XYLT1: variants seen among roughly 807,000 people sequenced by gnomAD.
The protein encoded by XYLT1 is xylosyltransferase 1, also known as beta-D-xylosyltransferase 1.
In XYLT1, 36 loss-of-function variants were observed where a neutral mutation model predicts 91.3. The observed-to-expected ratio is 0.39, with a 90% CI of 0.30 to 0.52. The LOEUF (loss-of-function observed/expected upper bound fraction) is 0.52. Ranked by LOEUF, XYLT1 falls within the 20% of genes least tolerant of loss-of-function variation. XYLT1 has a pLI of 0.68. For synonymous variants in XYLT1, 588 were observed against 532.0 expected (o/e 1.11, Z -1.45); for missense variants, 1,242 against 1,284.5 (o/e 0.97, Z 0.51).
intron 9 of XYLT1, among the ~76,000 whole-genome samples, chr16:17,133,521 G>A (rs1023517499): frequency 6.6e-6 from 1 of 151,886 alleles, no homozygotes; most frequent in Non-Finnish European, 1.5e-5. Context: ...CTGCTCAATG[G>A]AATACTAGAG....
At chr16:17,371,364 T>C (rs1596508590) in intron 1 of XYLT1, among the ~76,000 whole-genome samples, 1 of 152,220 alleles carries the variant, frequency 6.6e-6, no homozygotes, top group Admixed American at 6.5e-5. Context: ...ACCCAATTCA[T>C]GTTATAGGTG....
At chr16:17,118,273 T>C (rs201978533) in intron 10 of XYLT1, among the ~76,000 whole-genome samples, 5 of 96,886 alleles carry the variant, frequency 5.2e-5, no homozygotes, top group Admixed American at 4.5e-4. Context: ...GCTGAATGAG[T>C]GAATGAATGA....
At chr16:17,224,314 G>A (rs2033025111) in intron 3 of XYLT1, among the ~76,000 whole-genome samples, 1 of 152,180 alleles carries the variant, frequency 6.6e-6, no homozygotes, top group South Asian at 2.1e-4. Context: ...TTTCTTACAT[G>A]AACAAATGAA....
At position 17,198,217 on chromosome 16, in the gene XYLT1, G is replaced by A; in HGVS notation, c.1284C>T (p.Pro428=). The A allele has an allele frequency of 6.2e-7, 1 of 1,613,964 alleles. No homozygotes were observed. Among genetic ancestry groups the A allele is most frequent in the Non-Finnish European group, 8.5e-7 (1 of 1,179,988 alleles). The change falls in exon 5 of 12, where the codon CCC becomes CCT. Residue 428 remains proline (P), a synonymous_variant. Coordinates refer to ENST00000261381, the MANE Select transcript of XYLT1 (RefSeq NM_022166.4). ...GGGGCCCTTGGCTGCCTTACCTGAT[G>A]GGGTAGTCGGCCGCACTCAGGTTGA... The part of the protein sequence containing the change: ...FFINLSAADY[P]IRTNDQLVAF...
intron 5 of XYLT1, among the ~76,000 whole-genome samples, chr16:17,191,951 G>A (rs1040329426): frequency 3.3e-5 from 5 of 152,120 alleles, no homozygotes; most frequent in Admixed American, 2.0e-4. Flanking sequence ...ATGTGCAAAC[G>A]TGTGTACACA....
chr16:17,129,740 T>C (rs2030400462), intron 9 of XYLT1, among the ~76,000 whole-genome samples: 2 of 152,148 alleles, frequency 1.3e-5, no homozygotes, highest in South Asian at 4.1e-4. Context: ...GAATTTTAAA[T>C]TGTATTTAGT....
At chr16:17,388,083 C>T (rs1161897911) in intron 1 of XYLT1, among the ~76,000 whole-genome samples, 2 of 152,136 alleles carry the variant, frequency 1.3e-5, no homozygotes, top group Non-Finnish European at 2.9e-5. Flanking sequence ...CACAGCTTAG[C>T]CAACCCTGCC....
intron 5 of XYLT1, among the ~76,000 whole-genome samples, chr16:17,194,827 G>T (rs1349563421): frequency 6.6e-6 from 1 of 152,218 alleles, no homozygotes; most frequent in Admixed American, 6.5e-5. Context: ...AAACAGGTTT[G>T]TTGTAAGGGT....
chr16:17,323,332 T>C (rs989387799), intron 2 of XYLT1, among the ~76,000 whole-genome samples: 8 of 152,320 alleles, frequency 5.3e-5, no homozygotes, highest in Admixed American at 5.2e-4. Context: ...CAACAGCTAA[T>C]TAAAGAACAA....
At chr16:17,215,215 G>C (rs568136165) in intron 3 of XYLT1, among the ~76,000 whole-genome samples, 243 of 152,266 alleles carry the variant, frequency 1.6e-3, no homozygotes, top group African/African-American at 5.7e-3. Context: ...AATTAGCCAG[G>C]CATGGTGGTA....
chr16:17,111,228 A>G (rs1184636939), intron 11 of XYLT1, among the ~76,000 whole-genome samples: 1 of 151,932 alleles, frequency 6.6e-6, no homozygotes, highest in African/African-American at 2.4e-5. Context: ...CGTAAGAGTG[A>G]CTACTACTAC....
intron 5 of XYLT1, among the ~76,000 whole-genome samples, chr16:17,165,688 G>A (rs1361802207): frequency 1.3e-5 from 2 of 152,150 alleles, no homozygotes; most frequent in Non-Finnish European, 2.9e-5. Context: ...GTGAAACTCT[G>A]CCTCAAAAAA....
At chr16:17,357,042 C>A (rs1351159709) in intron 2 of XYLT1, among the ~76,000 whole-genome samples, 1 of 151,498 alleles carries the variant, frequency 6.6e-6, no homozygotes, top group Non-Finnish European at 1.5e-5. Context: ...CCGGGCGTGG[C>A]AGCGTGCGCC....
chr16:17,113,566 C>T (rs1361159975), intron 11 of XYLT1, among the ~76,000 whole-genome samples: 2 of 152,162 alleles, frequency 1.3e-5, no homozygotes, highest in African/African-American at 4.8e-5. Context: ...CTCTGGCCTC[C>T]TCCTGTCCCC....
chr16:17,235,959 C>T (rs2033241103), intron 3 of XYLT1, among the ~76,000 whole-genome samples: 1 of 152,242 alleles, frequency 6.6e-6, no homozygotes, highest in South Asian at 2.1e-4. Flanking sequence ...TTCTATCTCC[C>T]GGGTTCAAGC....
chr16:17,134,672 C>G lies in XYLT1; in HGVS notation c.1828G>C (p.Gly610Arg), dbSNP rs376601874. ...FEAVVNQEIIGQLDYYLYGNY... is the reference protein window; with the variant it reads ...FEAVVNQEIIRQLDYYLYGNY... ...CCGTACAGGTAATAGTCCAGCTGCC[C>G]AATGATTTCCTGATTCACCACGGCT... The change falls in exon 9 of 12, where the codon GGG becomes CGG. Residue 610 changes from glycine (G) to arginine (R), a missense_variant. Coordinates refer to ENST00000261381, the MANE Select transcript of XYLT1 (RefSeq NM_022166.4). 1 of 1,614,038 alleles carries G rather than the reference C, an allele frequency of 6.2e-7. No homozygotes were observed. The highest frequency in any genetic ancestry group is 1.3e-5 in the African/African-American group (1 of 74,910).
chr16:17,429,693 T>C (rs953049692), intron 1 of XYLT1, among the ~76,000 whole-genome samples: 3 of 152,174 alleles, frequency 2.0e-5, no homozygotes, highest in Non-Finnish European at 4.4e-5. Context: ...AGCCAGTAGA[T>C]GGAGGGCCCA....
intron 3 of XYLT1, among the ~76,000 whole-genome samples, chr16:17,229,231 CGTGCAAAAAAT>C (rs2033119773): frequency 6.6e-6 from 1 of 152,162 alleles, no homozygotes; most frequent in African/African-American, 2.4e-5. Context: ...CCAGAACTGA[CGTGCAAAAAAT>C]GTGCAAAAGG....
intron 2 of XYLT1, among the ~76,000 whole-genome samples, chr16:17,302,493 A>G (rs2034410630): frequency 6.6e-6 from 1 of 152,162 alleles, no homozygotes; most frequent in African/African-American, 2.4e-5. Context: ...ACCTGCCATG[A>G]GCAATGGCCT....
Sources: gnomAD v4.1 joint callset for allele counts (sites outside exome capture counted in the v4.1 genomes callset) on GRCh38, gnomAD v4.1.1 for gene constraint, MANE v1.5 for transcripts, NCBI Gene and HGNC (gene_info 2026-07-23, HGNC 2026-07-21) for gene names.